CRISPLD2: variants seen among roughly 807,000 people sequenced by gnomAD.
CRISPLD2 encodes the protein cysteine-rich secretory protein LCCL domain-containing 2.
Under a neutral mutation model 71.1 loss-of-function variants are expected in CRISPLD2, and 47 were observed. The observed-to-expected ratio is 0.66, with a 90% CI of 0.52 to 0.84. CRISPLD2 has a LOEUF of 0.84. CRISPLD2 is among the 40% of genes least tolerant of loss of function. CRISPLD2 has a pLI of 0.00. For missense variants in CRISPLD2, 830 were observed against 651.1 expected (o/e 1.27, Z -2.99); for synonymous variants, 317 against 250.1 (o/e 1.27, Z -2.52).
At chr16:84,901,036 CACACACACG>C (rs1469330060) in intron 14 of CRISPLD2, among the ~76,000 whole-genome samples, 2 of 145,886 alleles carry the variant, frequency 1.4e-5, no homozygotes, top group African/African-American at 2.7e-5. Context: ...CACACACACA[CACACACACG>C]CAAAAAAAAA....
chr16:84,875,789 C>G (rs1185796988), intron 11 of CRISPLD2, among the ~76,000 whole-genome samples: 3 of 149,668 alleles, frequency 2.0e-5, no homozygotes, highest in East Asian at 4.0e-4. Flanking sequence ...TGGTCTTGAA[C>G]TCCTGACCTC....
chr16:84,889,464 A>C (rs1364165958), intron 14 of CRISPLD2, 101 bp downstream of exon 14: 12 of 1,244,944 alleles, frequency 9.6e-6, no homozygotes, highest in Non-Finnish European at 1.1e-5. Flanking sequence ...TTAAAATAAA[A>C]CTCGGGTAGA....
In CRISPLD2 at chr16:84,860,175, A is replaced by G. The variant is rs114232120; in HGVS notation, c.709+5346A>G. Among the ~76,000 whole-genome samples, 485 of 152,316 alleles carry G rather than the reference A, an allele frequency of 3.2e-3. 1 individual carries two copies. Among genetic ancestry groups the G allele is most frequent in the African/African-American group, 0.011 (469 of 41,558 alleles). On this transcript the variant is annotated intron_variant, in intron 6 of 14. Transcript: ENST00000262424. Reference sequence around the variant, plus strand: ...ATCCATATTTCAGCTAACCAAGCAAATAAAGCAAATAAAAACAGTGAAGAA... The same window carrying G: ...ATCCATATTTCAGCTAACCAAGCAAGTAAAGCAAATAAAAACAGTGAAGAA...
intron 14 of CRISPLD2, among the ~76,000 whole-genome samples, chr16:84,905,797 C>T (rs967974568): frequency 1.3e-5 from 2 of 151,544 alleles, no homozygotes; most frequent in East Asian, 1.9e-4. Flanking sequence ...GCATCCTCCG[C>T]CTCCCAGGTT....
intron 14 of CRISPLD2, among the ~76,000 whole-genome samples, chr16:84,895,274 A>G (rs1343469572): frequency 6.6e-6 from 1 of 152,212 alleles, no homozygotes; most frequent in Non-Finnish European, 1.5e-5. Context: ...CTGTACCAGA[A>G]TCCATGCTTT....
intron 7 of CRISPLD2, among the ~76,000 whole-genome samples, chr16:84,868,650 A>C (rs1567694969): frequency 6.6e-6 from 1 of 152,206 alleles, no homozygotes; most frequent in Non-Finnish European, 1.5e-5. Context: ...CAAATTGTTC[A>C]AGGTCACACT....
chr16:84,858,464 A>G (rs149789195), intron 6 of CRISPLD2, among the ~76,000 whole-genome samples: 38 of 152,356 alleles, frequency 2.5e-4, no homozygotes, highest in African/African-American at 8.9e-4. Flanking sequence ...TAACAGGCCT[A>G]ACACCACTAG....
At chr16:84,859,362 A>G (rs1458387613) in intron 6 of CRISPLD2, among the ~76,000 whole-genome samples, 1 of 152,192 alleles carries the variant, frequency 6.6e-6, no homozygotes, top group Admixed American at 6.5e-5. Context: ...CCTGGAGTCA[A>G]CACCTGCTCA....
chr16:84,827,312 C>T (rs932538307), intron 1 of CRISPLD2, among the ~76,000 whole-genome samples: 49 of 152,064 alleles, frequency 3.2e-4, no homozygotes, highest in African/African-American at 9.7e-4. Context: ...AAGGCTTTTG[C>T]GACACAAACC....
chr16:84,857,256 G>T (rs1917266225), intron 6 of CRISPLD2, among the ~76,000 whole-genome samples: 1 of 152,236 alleles, frequency 6.6e-6, no homozygotes, highest in South Asian at 2.1e-4. Flanking sequence ...GGCGATGACA[G>T]AGGTGACTGA....
chr16:84,863,358 C>T (rs1410171208), intron 6 of CRISPLD2, among the ~76,000 whole-genome samples: 1 of 152,220 alleles, frequency 6.6e-6, no homozygotes, highest in Non-Finnish European at 1.5e-5. Context: ...GCTAAGCACG[C>T]AGCAAGTCTC....
intron 11 of CRISPLD2, among the ~76,000 whole-genome samples, chr16:84,874,935 T>A (rs184728585): frequency 3.9e-4 from 60 of 152,284 alleles, no homozygotes; most frequent in Middle Eastern, 3.4e-3. Flanking sequence ...GTAACCTAAT[T>A]TTTTTCTTAA....
intron 1 of CRISPLD2, among the ~76,000 whole-genome samples, chr16:84,820,740 A>T (rs1271852313): frequency 6.6e-6 from 1 of 151,920 alleles, no homozygotes; most frequent in Non-Finnish European, 1.5e-5. Context: ...CTTCAAATGG[A>T]TGTGTAGAGA....
At chr16:84,880,424 C>A in intron 12 of CRISPLD2, 85 bp from the exon 13 acceptor site, 2 of 1,068,792 alleles carry the variant, frequency 1.9e-6, no homozygotes, top group South Asian at 1.8e-5. Context: ...GAACTTAAAT[C>A]TTGGAATTCA....
intron 11 of CRISPLD2, among the ~76,000 whole-genome samples, chr16:84,876,995 C>T (rs1231413665): frequency 6.6e-6 from 1 of 152,064 alleles, no homozygotes; most frequent in Non-Finnish European, 1.5e-5. Context: ...GGTGGTATGT[C>T]AGAAGGAGCT....
chr16:84,895,386 A>G (rs2071697458), intron 14 of CRISPLD2, among the ~76,000 whole-genome samples: 1 of 152,114 alleles, frequency 6.6e-6, no homozygotes, highest in South Asian at 2.1e-4. Flanking sequence ...GCCAAGATAT[A>G]CTTGTTCCTG....
intron 8 of CRISPLD2, among the ~76,000 whole-genome samples, chr16:84,869,636 G>A (rs1239645859): frequency 6.6e-6 from 1 of 152,210 alleles, no homozygotes; most frequent in African/African-American, 2.4e-5. Flanking sequence ...TGTGTCAACA[G>A]TCAGCAGTGG....
intron 12 of CRISPLD2, among the ~76,000 whole-genome samples, chr16:84,878,166 G>A (rs2071537307): frequency 6.6e-6 from 1 of 152,136 alleles, no homozygotes; most frequent in Non-Finnish European, 1.5e-5. Flanking sequence ...GGAGCTTGCA[G>A]TGAGCCGAGA....
At chr16:84,856,970 G>A (rs1917257342) in intron 6 of CRISPLD2, among the ~76,000 whole-genome samples, 1 of 152,234 alleles carries the variant, frequency 6.6e-6, no homozygotes, top group Non-Finnish European at 1.5e-5. Flanking sequence ...GGGTAAACCT[G>A]TATCCAGAGT....
Sources: gnomAD v4.1 joint callset for allele counts (sites outside exome capture counted in the v4.1 genomes callset) on GRCh38, gnomAD v4.1.1 for gene constraint, MANE v1.5 for transcripts, NCBI Gene and HGNC (gene_info 2026-07-23, HGNC 2026-07-21) for gene names.